Variants in CAMK2A observed in about 807,000 individuals in gnomAD.
CAMK2A encodes the protein calcium/calmodulin dependent protein kinase II alpha, also known as calcium/calmodulin-dependent protein kinase type II subunit alpha.
In CAMK2A, 7 loss-of-function variants were observed where a neutral mutation model predicts 79.2. The observed-to-expected ratio is 0.09, with a 90% CI of 0.05 to 0.17. The LOEUF (loss-of-function observed/expected upper bound fraction) is 0.17. Ranked by LOEUF, CAMK2A falls within the 10% of genes least tolerant of loss-of-function variation. CAMK2A has a pLI of 1.00. For missense variants in CAMK2A, 214 were observed against 646.4 expected, an observed-to-expected ratio of 0.33 and a Z score of 7.25; for synonymous variants, 242 against 251.7, an observed-to-expected ratio of 0.96 and a Z score of 0.36.
chr5:150,258,086 A>C (rs116249657), intron 3 of CAMK2A, among the ~76,000 whole-genome samples: 42 of 152,362 alleles, frequency 2.8e-4, no homozygotes, highest in African/African-American at 9.9e-4. Context: ...GTGCTCACTC[A>C]GTGCTGCCTG....
intron 1 of CAMK2A, among the ~76,000 whole-genome samples, chr5:150,275,805 G>A (rs1195707690): frequency 6.6e-6 from 1 of 150,702 alleles, no homozygotes; most frequent in Non-Finnish European, 1.5e-5. Context: ...TCACCTTCGG[G>A]GTATGTGGAT....
chr5:150,248,582 G>T (rs537208736), intron 11 of CAMK2A, among the ~76,000 whole-genome samples: 2 of 147,758 alleles, frequency 1.4e-5, no homozygotes, highest in African/African-American at 2.5e-5. Context: ...GAGAACATGC[G>T]CTGTTTGTTT....
chr5:150,270,302 C>T (rs1319546067), intron 2 of CAMK2A, among the ~76,000 whole-genome samples: 1 of 152,184 alleles, frequency 6.6e-6, no homozygotes, highest in Non-Finnish European at 1.5e-5. Flanking sequence ...CAAAGGTATT[C>T]GGCAGGGATT....
intron 10 of CAMK2A, among the ~76,000 whole-genome samples, 189 bp from the exon 11 acceptor site, chr5:150,250,498 A>T (rs112387594): frequency 6.6e-6 from 1 of 152,164 alleles, no homozygotes; most frequent in Non-Finnish European, 1.5e-5. Context: ...CAGTAGCACC[A>T]TCAGTTGTAT....
At chr5:150,230,840 G>A (rs913348036) in intron 16 of CAMK2A, among the ~76,000 whole-genome samples, 3 of 152,232 alleles carry the variant, frequency 2.0e-5, no homozygotes, top group African/African-American at 7.2e-5. Context: ...GCTCACTGAA[G>A]GGACGTGCCC....
Position 150,231,378 on chromosome 5 carries a change from G to A in CAMK2A, c.1069C>T (p.Arg357Trp), listed in dbSNP as rs745982580. The A allele has an allele frequency of 8.7e-6, 13 of 1,487,966 alleles. No individual in the cohort carries two copies. Among genetic ancestry groups the A allele is most frequent in the South Asian group, 2.7e-5 (2 of 74,808 alleles). The allele number at this position is 1,487,966 out of a possible 1,614,324, so 92.2% of individuals were successfully genotyped here. Residue 357 changes from arginine to tryptophan, a missense_variant and splice_region_variant, in exon 16 of 19, where the codon CGG (arginine) becomes TGG (tryptophan). Physicochemically the swap from Arg to Trp is moderately radical, Grantham distance 101. Transcript: ENST00000671881. ...TTIEDEDTKV[R>W]KQEIIKVTEQ... Reference sequence around the variant, plus strand: ...GTCACTTTTATAATTTCCTGTTTCCGCACTGTAAGGCAGAAGGGGACACAG... The same window carrying A: ...GTCACTTTTATAATTTCCTGTTTCCACACTGTAAGGCAGAAGGGGACACAG...
At chr5:150,231,630 G>T (rs72837593) in intron 15 of CAMK2A, among the ~76,000 whole-genome samples, 2,720 of 141,928 alleles carry the variant, frequency 0.019, 45 homozygotes, top group Non-Finnish European at 0.028. Flanking sequence ...AAAAAAAAAA[G>T]GTGTGAAAGT....
intron 13 of CAMK2A, among the ~76,000 whole-genome samples, 187 bp from the exon 14 acceptor site, chr5:150,239,923 G>A (rs992024431): frequency 2.0e-5 from 3 of 152,140 alleles, no homozygotes; most frequent in South Asian, 4.1e-4. Flanking sequence ...TTGACCTGGC[G>A]GGGCCAGTCC....
At chr5:150,285,928 C>G (rs1259868881) in intron 1 of CAMK2A, among the ~76,000 whole-genome samples, 14 of 152,094 alleles carry the variant, frequency 9.2e-5, no homozygotes, top group Non-Finnish European at 5.9e-5. Flanking sequence ...GGCTCGTTTT[C>G]CACTTCCTTG....
At chr5:150,247,542 C>T (rs1755623859) in intron 12 of CAMK2A, among the ~76,000 whole-genome samples, 1 of 152,206 alleles carries the variant, frequency 6.6e-6, no homozygotes. Flanking sequence ...AGTGGGCAGC[C>T]AGACTAAATC....
At chr5:150,260,474 AAAGTGTAAATGGGTATTT>A (rs1408357329) in intron 3 of CAMK2A, among the ~76,000 whole-genome samples, 3 of 151,866 alleles carry the variant, frequency 2.0e-5, no homozygotes, top group Non-Finnish European at 4.4e-5. Context: ...AAAAAAAAAA[AAAGTGTAAATGGGTATTT>A]AACTGTATTT....
intron 6 of CAMK2A, among the ~76,000 whole-genome samples, chr5:150,255,790 G>T (rs1158866263): frequency 6.6e-6 from 1 of 152,254 alleles, no homozygotes; most frequent in East Asian, 1.9e-4. Context: ...AAGGTCACAG[G>T]ATCAGGGGTT....
intron 3 of CAMK2A, among the ~76,000 whole-genome samples, chr5:150,264,609 G>A (rs1756430463): frequency 6.6e-6 from 1 of 152,200 alleles, no homozygotes; most frequent in African/African-American, 2.4e-5. Flanking sequence ...GGCTGAATCG[G>A]CATGGGTGTG....
intron 2 of CAMK2A, among the ~76,000 whole-genome samples, chr5:150,269,260 T>C (rs2150298715): frequency 6.6e-6 from 1 of 152,164 alleles, no homozygotes; most frequent in South Asian, 2.1e-4. Flanking sequence ...CTCCAGGGTG[T>C]GGGGGCTAAG....
intron 3 of CAMK2A, among the ~76,000 whole-genome samples, chr5:150,261,074 C>G (rs191433545): frequency 7.0e-6 from 1 of 142,424 alleles, no homozygotes; most frequent in African/African-American, 2.5e-5. Flanking sequence ...GCCTCAGCCC[C>G]TTTAGAGAAT....
At chr5:150,274,439 C>T (rs1292651498) in intron 1 of CAMK2A, among the ~76,000 whole-genome samples, 1 of 152,166 alleles carries the variant, frequency 6.6e-6, no homozygotes. Flanking sequence ...TTAGGCCAAA[C>T]AAAAGTTGTC....
intron 13 of CAMK2A, among the ~76,000 whole-genome samples, chr5:150,240,605 C>T (rs553815675): frequency 6.6e-5 from 10 of 152,364 alleles, no homozygotes; most frequent in Non-Finnish European, 1.0e-4. Flanking sequence ...TCCCTCAGCT[C>T]TCCAAGCCAG....
At chr5:150,259,674 T>A (rs1040627206) in intron 3 of CAMK2A, among the ~76,000 whole-genome samples, 6 of 151,598 alleles carry the variant, frequency 4.0e-5, no homozygotes, top group Non-Finnish European at 5.9e-5. Context: ...AACATTTTTT[T>A]ATAAAAAATT....
intron 3 of CAMK2A, 36 bp downstream of exon 3, chr5:150,264,920 G>A (rs758774030): frequency 1.9e-6 from 3 of 1,560,036 alleles, no homozygotes; most frequent in Non-Finnish European, 2.7e-6. Context: ...AGCAGGGCCT[G>A]GCTCCCCTGC....
Sources: allele counts gnomAD v4.1 joint callset (sites outside exome capture counted in the v4.1 genomes callset), GRCh38; gene constraint gnomAD v4.1.1; transcripts MANE v1.5; gene names NCBI Gene and HGNC (gene_info 2026-07-23, HGNC 2026-07-21).